WDR20: variants seen among roughly 807,000 people sequenced by gnomAD.
WDR20 encodes the protein WD repeat-containing protein 20.
In WDR20, 3 loss-of-function variants were observed where a neutral mutation model predicts 38.7. That is an observed-to-expected ratio of 0.08 (90% CI 0.04 to 0.20). The LOEUF (loss-of-function observed/expected upper bound fraction) is 0.20, where lower values mean the gene tolerates loss of function less well. Ranked by LOEUF, WDR20 falls within the 10% of genes least tolerant of loss-of-function variation. WDR20 has a pLI of 1.00. For synonymous variants in WDR20, 298 were observed against 285.6 expected, an observed-to-expected ratio of 1.04 and a Z score of -0.44; for missense variants, 559 against 727.7, an observed-to-expected ratio of 0.77 and a Z score of 2.67.
chr14:102,141,083 T>TA (rs2050913303), intron 1 of WDR20, among the ~76,000 whole-genome samples: 1 of 152,222 alleles, frequency 6.6e-6, no homozygotes, highest in African/African-American at 2.4e-5. Flanking sequence ...AGCCATTTAT[T>TA]AGAGTTTTTC....
chr14:102,139,655 G>A (rs2050212075), upstream of WDR20: 1 of 647,174 alleles, frequency 1.5e-6, no homozygotes, highest in Non-Finnish European at 2.6e-6. Context: ...GCATCACCTG[G>A]GAAGCAGCCA....
chr14:102,180,389 ACCACTCTTT>A (rs904335721), intron 1 of WDR20, among the ~76,000 whole-genome samples: 2 of 152,226 alleles, frequency 1.3e-5, no homozygotes, highest in African/African-American at 4.8e-5. Flanking sequence ...TCTGCTCTTA[ACCACTCTTT>A]AGAGTGTCTT....
At chr14:102,156,815 G>A (rs2057510411) in intron 1 of WDR20, among the ~76,000 whole-genome samples, 1 of 151,850 alleles carries the variant, frequency 6.6e-6, no homozygotes, top group Non-Finnish European at 1.5e-5. Flanking sequence ...GACCAACATG[G>A]TGAAACCCCT....
At chr14:102,164,642 A>G (rs1209249175) in intron 1 of WDR20, among the ~76,000 whole-genome samples, 1 of 152,186 alleles carries the variant, frequency 6.6e-6, no homozygotes, top group African/African-American at 2.4e-5. Context: ...AGCATTTGAC[A>G]CAATTGATCA....
intron 1 of WDR20, among the ~76,000 whole-genome samples, chr14:102,184,558 C>A (rs1157581985): frequency 1.3e-5 from 2 of 152,046 alleles, no homozygotes; most frequent in Non-Finnish European, 2.9e-5. Context: ...CCCTGGTGGC[C>A]ACCCTCTCCC....
chr14:102,176,815 G>A (rs1259111851), intron 1 of WDR20, among the ~76,000 whole-genome samples: 3 of 151,798 alleles, frequency 2.0e-5, no homozygotes, highest in Non-Finnish European at 4.4e-5. Flanking sequence ...CTTATTGCAA[G>A]CTCCGCCTCC....
downstream of WDR20, among the ~76,000 whole-genome samples, chr14:102,217,899 C>T (rs1278293084): frequency 6.6e-6 from 1 of 152,258 alleles, no homozygotes; most frequent in Non-Finnish European, 1.5e-5. Context: ...CTCGTGTTCT[C>T]CCCAGGGTGA....
chr14:102,206,983 G>A (rs564525992), intron 2 of WDR20, among the ~76,000 whole-genome samples: 1 of 152,350 alleles, frequency 6.6e-6, no homozygotes, highest in South Asian at 2.1e-4. Context: ...GAGCAGCGCT[G>A]GGTTTTAGGT....
chr14:102,193,033 G>A lies in WDR20; in HGVS notation c.250-1905G>A, dbSNP rs544888093. The stretch of plus-strand genomic sequence containing the variant: ...AAAAGTCTCAAGAGTTGAATATGCT[G>A]ATACAGTAATTATGTATAACTTAAT... On this transcript the variant is annotated intron_variant, in intron 1 of 2. Coordinates refer to ENST00000342702, the MANE Select transcript of WDR20 (RefSeq NM_144574.4). 1.7e-4 allele frequency among the ~76,000 whole-genome samples: 26 copies of A among 150,200 alleles called. No individual in the cohort carries two copies. In the East Asian group the frequency reaches 4.8e-3, roughly 28 times the overall value.
intron 2 of WDR20, among the ~76,000 whole-genome samples, chr14:102,204,051 G>T (rs2061035073): frequency 6.6e-6 from 1 of 152,180 alleles, no homozygotes; most frequent in African/African-American, 2.4e-5. Flanking sequence ...CACTGGCCTG[G>T]GGTCTGAGAC....
downstream of WDR20, chr14:102,224,483 AATC>A (rs915636935): frequency 1.9e-5 from 8 of 412,522 alleles, no homozygotes; most frequent in African/African-American, 4.2e-5. Context: ...TTTTTTAAAA[AATC>A]ATATACAACT....
At chr14:102,183,303 G>GAA (rs1458432158) in intron 1 of WDR20, among the ~76,000 whole-genome samples, 20 of 152,302 alleles carry the variant, frequency 1.3e-4, no homozygotes, top group Middle Eastern at 3.4e-3. Flanking sequence ...CTCACGCCTG[G>GAA]TTGGATCAGA....
intron 1 of WDR20, among the ~76,000 whole-genome samples, chr14:102,193,205 C>CAAA (rs1434050126): frequency 6.7e-6 from 1 of 148,912 alleles, no homozygotes; most frequent in Non-Finnish European, 1.5e-5. Context: ...GGCCAGGATT[C>CAAA]TCTTTCCCTG....
Position 102,222,718 on chromosome 14 carries a change from C to T in WDR20, c.1693-112C>T. 2 of 1,109,094 alleles carry T rather than the reference C, an allele frequency of 1.8e-6. No individual in the cohort carries two copies. The highest frequency in any genetic ancestry group is 1.4e-6 in the Non-Finnish European group (1 of 728,736). The allele number at this position is 1,109,094 out of a possible 1,614,324, so 68.7% of individuals were successfully genotyped here. On this transcript the variant is annotated intron_variant, in intron 3 of 3. Coordinates refer to the WDR20 transcript ENST00000335263. This position sits in a 1 kb window ranked among gnomAD's most constrained non-coding sequence, Gnocchi z 4.4. Reference sequence around the variant, plus strand: ...GGAGGGTTTGCTCCCACACTGGCTTCCACATCAACAGCACCAGTTTTGACC... The same window carrying T: ...GGAGGGTTTGCTCCCACACTGGCTTTCACATCAACAGCACCAGTTTTGACC...
intron 1 of WDR20, among the ~76,000 whole-genome samples, chr14:102,172,734 C>T (rs1410390070): frequency 1.4e-5 from 2 of 147,108 alleles, no homozygotes; most frequent in African/African-American, 2.5e-5. Flanking sequence ...CCCTCCCGGA[C>T]GGGGCGGCTG....
At chr14:102,159,088 G>T (rs1003468241) in intron 1 of WDR20, among the ~76,000 whole-genome samples, 27 of 151,906 alleles carry the variant, frequency 1.8e-4, no homozygotes. Context: ...GACTAAAAGG[G>T]TGCACCACCA....
At chr14:102,210,782 G>A (rs1381804843), downstream of WDR20, among the ~76,000 whole-genome samples, 1 of 152,148 alleles carries the variant, frequency 6.6e-6, no homozygotes, top group Non-Finnish European at 1.5e-5. Context: ...AGAAAGGCAC[G>A]TGACTCCTCC....
At chr14:102,142,869 A>C (rs1010949362) in intron 1 of WDR20, among the ~76,000 whole-genome samples, 1 of 150,782 alleles carries the variant, frequency 6.6e-6, no homozygotes, top group African/African-American at 2.4e-5. Flanking sequence ...AGATGAGTAA[A>C]TTCAACTTAA....
At chr14:102,157,394 C>T (rs959256787) in intron 1 of WDR20, 3 of 152,178 alleles carry the variant, frequency 2.0e-5, no homozygotes, top group Non-Finnish European at 4.4e-5. Context: ...TTCTTATGTC[C>T]TGTGAAGTGT....
Sources: allele counts gnomAD v4.1 joint callset (sites outside exome capture counted in the v4.1 genomes callset), GRCh38; gene constraint gnomAD v4.1.1; non-coding constraint Gnocchi (gnomAD v3.1); transcripts MANE v1.5; gene names NCBI Gene and HGNC (gene_info 2026-07-23, HGNC 2026-07-21).